The following CTNND2 variants were observed in gnomAD, a reference collection of about 807,000 sequenced individuals.
CTNND2 encodes catenin delta 2, also known as catenin delta-2.
A neutral mutation model predicts 144.4 loss-of-function variants in CTNND2; 22 were observed. The ratio of observed to expected loss-of-function variants is 0.15; its 90% confidence interval spans 0.11 to 0.22. The LOEUF (loss-of-function observed/expected upper bound fraction) is 0.22, where lower values mean the gene tolerates loss of function less well. Among genes scored for constraint, CTNND2 ranks in the 10% least tolerant of loss-of-function variants. The probability of loss-of-function intolerance (pLI) is 1.00; values close to 1 mark genes in which losing one functional copy is unlikely to be tolerated. For missense variants in CTNND2, 1,353 were observed against 1,618.8 expected, an observed-to-expected ratio of 0.84 and a Z score of 2.82; for synonymous variants, 751 against 695.6, an observed-to-expected ratio of 1.08 and a Z score of -1.25.
At chr5:11,083,853 G>A (rs1047301332) in intron 15 of CTNND2, 4 of 1,097,482 alleles carry the variant, frequency 3.6e-6, no homozygotes, top group Middle Eastern at 2.7e-4. Flanking sequence ...TCCCCCATGG[G>A]GGCAGGCACC....
At chr5:11,752,987 G>A (rs188773644) in intron 1 of CTNND2, among the ~76,000 whole-genome samples, 4 of 151,796 alleles carry the variant, frequency 2.6e-5, no homozygotes, top group East Asian at 1.9e-4. Flanking sequence ...CTTGGACACT[G>A]TTGATGTATA....
At chr5:11,229,649 T>TGC (rs1740765778) in intron 10 of CTNND2, among the ~76,000 whole-genome samples, 3 of 129,202 alleles carry the variant, frequency 2.3e-5, no homozygotes, top group Admixed American at 7.7e-5. Flanking sequence ...ATATTGCGTG[T>TGC]GTGTGTGTGT....
chr5:11,094,462 T>C (rs1403686521), intron 15 of CTNND2, among the ~76,000 whole-genome samples: 1 of 151,500 alleles, frequency 6.6e-6, no homozygotes, highest in African/African-American at 2.4e-5. Context: ...TCTATGTGTC[T>C]GCTTACAAGA....
chr5:11,260,095 A>G (rs530135628), intron 9 of CTNND2, among the ~76,000 whole-genome samples: 2 of 152,322 alleles, frequency 1.3e-5, no homozygotes, highest in Non-Finnish European at 2.9e-5. Context: ...CCCTTCCTTG[A>G]ATGATGTGTT....
chr5:11,188,789 T>TG (rs1363295081), intron 11 of CTNND2, among the ~76,000 whole-genome samples: 1 of 152,146 alleles, frequency 6.6e-6, no homozygotes, highest in African/African-American at 2.4e-5. Flanking sequence ...GGGATACAGC[T>TG]GCGTTATCAC....
rs192545500 is a variant in CTNND2, at chr5:11,141,058, G to A, written c.2159+18518C>T. On this transcript the variant is annotated intron_variant, in intron 12 of 21. Transcript: ENST00000304623. ...CAGCCTCTACCTCCCAGGCTCAAGC[G>A]ATCCTCTGACCTCAGACTTCCAAGT... is the stretch of plus-strand genomic sequence containing the variant. 4.4e-4 allele frequency among the ~76,000 whole-genome samples: 67 copies of A among 152,198 alleles called. No individual in the cohort carries two copies. The East Asian group carries it at 0.011, about 25-fold the overall frequency.
chr5:11,552,780 G>A (rs1775878901), intron 3 of CTNND2, among the ~76,000 whole-genome samples: 1 of 152,132 alleles, frequency 6.6e-6, no homozygotes, highest in African/African-American at 2.4e-5. Context: ...CAAGATTGAT[G>A]ACTGACATTT....
chr5:11,378,573 G>A (rs947916103), intron 7 of CTNND2, among the ~76,000 whole-genome samples: 2 of 152,214 alleles, frequency 1.3e-5, no homozygotes, highest in African/African-American at 4.8e-5. Flanking sequence ...CAGAATGTTC[G>A]TGAGAACTGC....
At chr5:11,026,778 A>C (rs994285462) in intron 16 of CTNND2, among the ~76,000 whole-genome samples, 7 of 152,192 alleles carry the variant, frequency 4.6e-5, no homozygotes, top group African/African-American at 1.7e-4. Context: ...CTGTGACTAC[A>C]AAAAGGTGGT....
Position 11,770,432 on chromosome 5 carries a change from G to GAAGGAAGGAAGA in CTNND2, c.38-38161_38-38160insTCTTCCTTCCTT, listed in dbSNP as rs1561781613. 6.7e-3 allele frequency among the ~76,000 whole-genome samples: 953 copies of GAAGGAAGGAAGA among 141,816 alleles called. 23 individuals carry two copies. Among genetic ancestry groups the GAAGGAAGGAAGA allele is most frequent in the African/African-American group, 0.027 (910 of 34,264 alleles). 93.0% of individuals were successfully genotyped at this position (141,816 alleles called of 152,430 possible). A position where few individuals can be genotyped will look rare whatever the true frequency, so the allele number is the denominator to read the frequency against. ...AAAAGGAAAGAAGGAAGGAAGGAAG[G>GAAGGAAGGAAGA]AAGGAAGGAAGGAAGGAAGGAAGGA... On this transcript the variant is annotated intron_variant, in intron 1 of 21. Coordinates refer to ENST00000304623, the MANE Select transcript of CTNND2 (RefSeq NM_001332.4).
In CTNND2 at chr5:11,748,743, T is replaced by C. The variant is rs73743224; in HGVS notation, c.38-16471A>G. ...TTATATCTTATCTGCTTATTATTTG[T>C]TACTATCTCTGTTGGGTTGAGTTTG... On this transcript the variant is annotated intron_variant, in intron 1 of 21. Transcript: ENST00000304623. 7.9e-3 allele frequency among the ~76,000 whole-genome samples: 1,198 copies of C among 152,252 alleles called. 9 individuals are homozygous for C. The highest frequency in any genetic ancestry group is 0.027 in the African/African-American group (1,132 of 41,568).
In CTNND2 at chr5:11,545,052, A is replaced by G. The variant is rs866915554; in HGVS notation, c.287+19892T>C. The stretch of plus-strand genomic sequence containing the variant: ...CAGAAGAATTGCTTGAACCCAGGAG[A>G]CAGAGGTTGCAGTGAGCCAAGATCA... On this transcript the variant is annotated intron_variant, in intron 3 of 21. Transcript: ENST00000304623. 8.7e-5 allele frequency among the ~76,000 whole-genome samples: 13 copies of G among 149,962 alleles called. 1 individual carries two copies. The highest frequency in any genetic ancestry group is 3.2e-4 in the African/African-American group (13 of 40,828).
chr5:11,639,202 C>T (rs181709182), intron 2 of CTNND2, among the ~76,000 whole-genome samples: 3 of 152,184 alleles, frequency 2.0e-5, no homozygotes, highest in Admixed American at 6.5e-5. Context: ...TATCCTACAA[C>T]GTGCAGGACA....
At chr5:11,517,330 CA>C (rs1215118821) in intron 3 of CTNND2, among the ~76,000 whole-genome samples, 1 of 152,162 alleles carries the variant, frequency 6.6e-6, no homozygotes, top group African/African-American at 2.4e-5. Context: ...CTGTCCCCAA[CA>C]AAATCACATT....
rs771415259 is a variant in CTNND2 at position 11,159,766 on chromosome 5, G to C, written c.1976-7C>G. 1.3e-6 allele frequency: 2 copies of C among 1,561,938 alleles called. No homozygotes were observed. The highest frequency in any genetic ancestry group is 1.9e-5 in the Admixed American group (1 of 52,784). On this transcript the variant is annotated splice_region_variant and splice_polypyrimidine_tract_variant and intron_variant, in intron 11 of 21. Transcript: ENST00000304623. ...GAGAGGTTCCAAAGGACTCCTGCAA[G>C]AGACACACAAAAAGAGGTTTTGGGT... is the stretch of plus-strand genomic sequence containing the variant.
chr5:11,524,396 C>G (rs940838494), intron 3 of CTNND2, among the ~76,000 whole-genome samples: 2 of 152,156 alleles, frequency 1.3e-5, no homozygotes, highest in Admixed American at 1.3e-4. Flanking sequence ...TGTTCTTTGG[C>G]TAATGGAATT....
chr5:11,496,998 T>C (rs1288575072), intron 3 of CTNND2, among the ~76,000 whole-genome samples: 2 of 152,088 alleles, frequency 1.3e-5, no homozygotes, highest in African/African-American at 2.4e-5. Context: ...GCATCCATTA[T>C]CTCCTCAAAA....
rs187894372 is a variant in CTNND2, at chr5:11,310,504, C to T, written c.1628+35868G>A. 6.6e-5 allele frequency among the ~76,000 whole-genome samples: 10 copies of T among 152,064 alleles called. No individual in the cohort carries two copies. The East Asian group carries it at 1.9e-3, about 29-fold the overall frequency. On this transcript the variant is annotated intron_variant, in intron 9 of 21. Coordinates refer to ENST00000304623, the MANE Select transcript of CTNND2 (RefSeq NM_001332.4). The stretch of plus-strand genomic sequence containing the variant: ...ATCTATCCCTTCACTCCATCCTACA[C>T]GTTAAAATCACTGTAATCTTCCTGC...
chr5:11,591,935 A>G (rs1342337780), intron 2 of CTNND2, among the ~76,000 whole-genome samples: 2 of 152,060 alleles, frequency 1.3e-5, no homozygotes, highest in African/African-American at 4.8e-5. Context: ...AGTATGAAAA[A>G]AAGTGAAGGC....
Sources: gnomAD v4.1 joint callset for allele counts (sites outside exome capture counted in the v4.1 genomes callset) on GRCh38, gnomAD v4.1.1 for gene constraint, MANE v1.5 for transcripts, NCBI Gene and HGNC (gene_info 2026-07-23, HGNC 2026-07-21) for gene names.